Variants in FOXP2 observed in about 807,000 individuals in gnomAD.
FOXP2 encodes forkhead box P2.
A neutral mutation model predicts 115.8 loss-of-function variants in FOXP2; 12 were observed. That is an observed-to-expected ratio of 0.10 (90% confidence interval 0.07 to 0.17). FOXP2 has a LOEUF of 0.17. FOXP2 is among the 10% of genes least tolerant of loss of function. The probability of loss-of-function intolerance (pLI) is 1.00; values close to 1 mark genes in which losing one functional copy is unlikely to be tolerated. For missense variants in FOXP2, 629 were observed against 843.5 expected, an observed-to-expected ratio of 0.75 and a Z score of 3.15; for synonymous variants, 328 against 297.7, an observed-to-expected ratio of 1.10 and a Z score of -1.05.
intron 13 of FOXP2, 111 bp downstream of exon 13, chr7:114,659,784 TA>T: frequency 2.4e-6 from 2 of 827,724 alleles, no homozygotes; most frequent in Non-Finnish European, 4.2e-6. Flanking sequence ...CCCCTCTTTT[TA>T]ACCTGCCTCT....
At chr7:114,580,820 T>C (rs114364362) in intron 3 of FOXP2, among the ~76,000 whole-genome samples, 208 of 152,100 alleles carry the variant, frequency 1.4e-3, no homozygotes, top group African/African-American at 4.9e-3. Context: ...GTTTGAGAAG[T>C]GGGATATCTG....
chr7:114,664,668 C>G (rs1807070532), intron 16 of FOXP2: 1 of 535,870 alleles, frequency 1.9e-6, no homozygotes. Flanking sequence ...TCTACAGATT[C>G]TTAGTACTAC....
chr7:114,381,435 A>T (rs1381203269), intron 2 of FOXP2, among the ~76,000 whole-genome samples: 3 of 152,190 alleles, frequency 2.0e-5, no homozygotes, highest in South Asian at 2.1e-4. Context: ...AATTGACTCA[A>T]GTCTTGGGCT....
intron 16 of FOXP2, among the ~76,000 whole-genome samples, chr7:114,688,222 C>T (rs1321507582): frequency 8.8e-6 from 1 of 113,952 alleles, no homozygotes; most frequent in Non-Finnish European, 2.1e-5. Flanking sequence ...CACACACACA[C>T]ACACACACAC....
intron 1 of FOXP2, among the ~76,000 whole-genome samples, chr7:114,148,400 C>T (rs553878098): frequency 5.9e-5 from 9 of 152,160 alleles, no homozygotes; most frequent in South Asian, 2.1e-4. Context: ...ATTTTTCCAA[C>T]GTTTGGCTGT....
chr7:114,143,290 G>A (rs1792276724), intron 1 of FOXP2, among the ~76,000 whole-genome samples: 1 of 151,906 alleles, frequency 6.6e-6, no homozygotes, highest in African/African-American at 2.4e-5. Flanking sequence ...TAGTACTACT[G>A]TACTTTAAAA....
chr7:114,630,038 G>A (rs758026075), intron 5 of FOXP2, 33 bp downstream of exon 5: 5 of 1,605,008 alleles, frequency 3.1e-6, no homozygotes, highest in Non-Finnish European at 4.2e-6. Context: ...ATACATAACA[G>A]TTTGCAGTTA....
chr7:114,140,575 A>G (rs1241305178), intron 1 of FOXP2, among the ~76,000 whole-genome samples: 2 of 152,198 alleles, frequency 1.3e-5, no homozygotes. Flanking sequence ...GTTATTTTAT[A>G]CCTGTAGCCC....
intron 2 of FOXP2, among the ~76,000 whole-genome samples, chr7:114,497,051 A>G (rs1192523212): frequency 6.6e-6 from 1 of 152,290 alleles, no homozygotes; most frequent in East Asian, 1.9e-4. Flanking sequence ...AACTCAATGG[A>G]TCAAAGAAAG....
chr7:114,341,728 G>T (rs958309707), intron 2 of FOXP2, among the ~76,000 whole-genome samples: 38 of 151,174 alleles, frequency 2.5e-4, no homozygotes, highest in Middle Eastern at 3.4e-3. Context: ...CCTAAAGAAA[G>T]ATACGTTCAT....
intron 2 of FOXP2, among the ~76,000 whole-genome samples, chr7:114,513,036 C>G (rs145486942): frequency 0.022 from 3,349 of 152,134 alleles, 58 homozygotes; most frequent in South Asian, 0.072. Flanking sequence ...GAGCTGAGAT[C>G]GCTCACCACT....
intron 1 of FOXP2, among the ~76,000 whole-genome samples, chr7:114,194,390 C>T (rs1006986646): frequency 1.3e-5 from 2 of 151,870 alleles, no homozygotes; most frequent in Non-Finnish European, 2.9e-5. Flanking sequence ...TTTAGCTGCT[C>T]TCCCTTCCTT....
At chr7:114,429,524 A>T (rs1457011356) in intron 2 of FOXP2, among the ~76,000 whole-genome samples, 1 of 151,554 alleles carries the variant, frequency 6.6e-6, no homozygotes. Context: ...TACATTGAGA[A>T]ATTATTCTGC....
chr7:114,132,533 A>G, intron 1 of FOXP2, among the ~76,000 whole-genome samples: 1 of 149,968 alleles, frequency 6.7e-6, no homozygotes, highest in African/African-American at 2.5e-5. Context: ...TAAAATAGAA[A>G]AGATAAATTG....
intron 3 of FOXP2, among the ~76,000 whole-genome samples, chr7:114,579,077 C>A (rs17137131): frequency 0.17 from 25,324 of 151,974 alleles, 2,458 homozygotes; most frequent in African/African-American, 0.26. Context: ...TAGAAAGGAC[C>A]AAAATCTGAG....
At chr7:114,088,524 A>G (rs780518291) in intron 1 of FOXP2, among the ~76,000 whole-genome samples, 3 of 152,270 alleles carry the variant, frequency 2.0e-5, no homozygotes, top group African/African-American at 4.8e-5. Flanking sequence ...TTTAGAAAAC[A>G]AAAGTTTGCC....
At chr7:114,219,006 C>T (rs1004322909) in intron 1 of FOXP2, among the ~76,000 whole-genome samples, 16 of 152,096 alleles carry the variant, frequency 1.1e-4, no homozygotes, top group African/African-American at 3.6e-4. Flanking sequence ...CTATTTTAGC[C>T]TGAGTTCAGG....
intron 3 of FOXP2, among the ~76,000 whole-genome samples, chr7:114,560,503 C>T (rs1800709080): frequency 6.6e-6 from 1 of 152,128 alleles, no homozygotes; most frequent in African/African-American, 2.4e-5. Flanking sequence ...ATAATCTCAA[C>T]TACTTGGGAG....
At chr7:114,452,874 T>C (rs1056014734) in intron 2 of FOXP2, among the ~76,000 whole-genome samples, 1 of 152,088 alleles carries the variant, frequency 6.6e-6, no homozygotes, top group Non-Finnish European at 1.5e-5. Flanking sequence ...ATGATCTTTT[T>C]GTAATGACTT....
Sources: gnomAD v4.1 joint callset for allele counts (sites outside exome capture counted in the v4.1 genomes callset) on GRCh38, gnomAD v4.1.1 for gene constraint, MANE v1.5 for transcripts, NCBI Gene and HGNC (gene_info 2026-07-23, HGNC 2026-07-21) for gene names.